Variants in BMF observed in about 807,000 individuals in gnomAD.
The protein encoded by BMF is Bcl2 modifying factor.
BMF carries 10 observed loss-of-function variants against 22.0 expected under a neutral mutation model. The ratio of observed to expected loss-of-function variants is 0.45; its 90% CI spans 0.28 to 0.77. The LOEUF (loss-of-function observed/expected upper bound fraction) is 0.77, where lower values mean the gene tolerates loss of function less well. BMF is among the 30% of genes least tolerant of loss of function. The pLI is 0.13. For synonymous variants in BMF, 87 were observed against 88.1 expected, an observed-to-expected ratio of 0.99 and a Z score of 0.07; for missense variants, 206 against 226.8, an observed-to-expected ratio of 0.91 and a Z score of 0.59.
rs1224543016 is a variant in BMF at position 40,089,218 on chromosome 15, G to C, written c.*2569C>G. The stretch of plus-strand genomic sequence containing the variant: ...AGTCTGAGGGGGTGGAGGTCGGGGG[G>C]GAGGGGCAGGTCTCCTGAGGCTAGA... On this transcript the variant is annotated 3_prime_UTR_variant, in exon 5 of 5. Coordinates refer to ENST00000354670, the MANE Select transcript of BMF (RefSeq NM_001003940.2). The C allele has an allele frequency of 6.6e-6, 1 of 152,232 alleles. No homozygotes were observed. Among genetic ancestry groups the C allele is most frequent in the Non-Finnish European group, 1.5e-5 (1 of 68,134 alleles). 9.4% of individuals were successfully genotyped at this position (152,232 alleles called of 1,614,324 possible). A position where few individuals can be genotyped will look rare whatever the true frequency, so the allele number is the denominator to read the frequency against.
At chr15:40,094,769 A>C (rs1449059058) in intron 4 of BMF, among the ~76,000 whole-genome samples, 1 of 152,244 alleles carries the variant, frequency 6.6e-6, no homozygotes, top group Non-Finnish European at 1.5e-5. Context: ...TGTATATTTT[A>C]ATCATAAAAG....
chr15:40,092,887 C>G (rs588739), intron 4 of BMF, among the ~76,000 whole-genome samples: 82,581 of 151,946 alleles, frequency 0.54, 23,300 homozygotes, highest in East Asian at 0.8. Flanking sequence ...AGGGTTCTCA[C>G]TGGACAGGGG....
intron 3 of BMF, 57 bp downstream of exon 3, chr15:40,105,738 A>G: frequency 6.6e-7 from 1 of 1,517,712 alleles, no homozygotes; most frequent in Non-Finnish European, 8.9e-7. Flanking sequence ...GGGGAGGGAA[A>G]GTCCCCTCTT....
At position 40,106,848 on chromosome 15, in the gene BMF, G is replaced by A. The variant is rs1256927032; in HGVS notation, c.-5-757C>T. On this transcript the variant is annotated intron_variant, in intron 2 of 4. Coordinates refer to ENST00000354670, the MANE Select transcript of BMF (RefSeq NM_001003940.2). The surrounding 1 kb of genome is among the most constrained non-coding windows in gnomAD (Gnocchi z 4.1). ...TGAGCTGTCTGCCCACCAAAGTTTG[G>A]CCTAGAGGGTAGGTCCAGCCTCTCC... 6.6e-6 allele frequency among the ~76,000 whole-genome samples: 1 copy of A among 152,120 alleles called. No individual in the cohort carries two copies. The highest frequency in any genetic ancestry group is 2.4e-5 in the African/African-American group (1 of 41,422).
intron 4 of BMF, 121 bp downstream of exon 4, chr15:40,104,059 A>C (rs990307327): frequency 7.3e-7 from 1 of 1,363,410 alleles, no homozygotes; most frequent in Non-Finnish European, 1.0e-6. Context: ...CATAACCAAA[A>C]CTCTGGGACA....
chr15:40,092,843 C>T (rs1015776286), intron 4 of BMF, among the ~76,000 whole-genome samples: 100 of 151,974 alleles, frequency 6.6e-4, no homozygotes, highest in African/African-American at 2.4e-3. Context: ...TCTTTGTCTG[C>T]CAGGGCAGGA....
At chr15:40,099,755 C>T (rs1476444196) in intron 4 of BMF, among the ~76,000 whole-genome samples, 1 of 103,032 alleles carries the variant, frequency 9.7e-6, no homozygotes, top group Admixed American at 1.5e-4. Context: ...TCCAGCTTGG[C>T]AAGAAGAACG....
chr15:40,099,469 G>T (rs1010675181), intron 4 of BMF, among the ~76,000 whole-genome samples: 13 of 152,094 alleles, frequency 8.5e-5, no homozygotes, highest in Non-Finnish European at 1.8e-4. Context: ...CATCAACTAG[G>T]CAAGGTAAGT....
chr15:40,094,284 G>C (rs958635120), intron 4 of BMF, among the ~76,000 whole-genome samples: 3 of 152,210 alleles, frequency 2.0e-5, no homozygotes, highest in African/African-American at 7.2e-5. Flanking sequence ...AGCGTTGGGG[G>C]ACTCAGAAGC....
intron 3 of BMF, among the ~76,000 whole-genome samples, chr15:40,105,312 G>C (rs1435848999): frequency 1.3e-5 from 2 of 152,194 alleles, no homozygotes; most frequent in African/African-American, 2.4e-5. Flanking sequence ...CTGGCATTGG[G>C]CCCAGGCAGG....
At position 40,106,000 on chromosome 15, in the gene BMF, C is replaced by T; in HGVS notation, c.87G>A (p.Leu29=). The stretch of plus-strand genomic sequence containing the variant: ...TCTGGGCAAACAGGTCAGCAGAGAG[C>T]AAGCTCCCGGGTTGGGTCACCGGCT... ...DGEPVTQPGS[L]LSADLFAQSL... Residue 29 remains leucine, a synonymous_variant, in exon 3 of 5, where the codon TTG becomes TTA. Transcript: ENST00000354670. The T allele has an allele frequency of 6.2e-7, 1 of 1,613,994 alleles. No homozygotes were observed.
In BMF at chr15:40,105,682, G is replaced by A. The variant is rs1049703288; in HGVS notation, c.292+113C>T. 4.7e-6 allele frequency: 6 copies of A among 1,289,378 alleles called. No individual in the cohort carries two copies. In the African/African-American group the frequency reaches 8.9e-5, roughly 19 times the overall value. 79.9% of individuals were successfully genotyped at this position (1,289,378 alleles called of 1,614,324 possible). A position where few individuals can be genotyped will look rare whatever the true frequency, so the allele number is the denominator to read the frequency against. On this transcript the variant is annotated intron_variant, in intron 3 of 4. Coordinates refer to ENST00000354670, the MANE Select transcript of BMF (RefSeq NM_001003940.2). ...GCAGGTGGAAGTCAAGGAATCAACA[G>A]CCCCGCTGATCACTTTGGGGGAAGG...
rs2036600133 is a variant in BMF, at chr15:40,106,927, T to TC, written c.-5-837dup. Among the ~76,000 whole-genome samples, 1 of 152,118 alleles carries TC rather than the reference T, an allele frequency of 6.6e-6. No individual in the cohort carries two copies. The highest frequency in any genetic ancestry group is 2.4e-5 in the African/African-American group (1 of 41,410). The stretch of plus-strand genomic sequence containing the variant: ...ACTTCAAATCCCTGATTCCACAGCC[T>TC]CCCGCTCCTGCCAGCTCTGAACCTG... On this transcript the variant is annotated intron_variant, in intron 2 of 4. Coordinates refer to ENST00000354670, the MANE Select transcript of BMF (RefSeq NM_001003940.2). The surrounding 1 kb of genome is among the most constrained non-coding windows in gnomAD (Gnocchi z 4.1).
intron 4 of BMF, among the ~76,000 whole-genome samples, chr15:40,095,157 CA>C (rs751000799): frequency 2.3e-4 from 35 of 152,194 alleles, no homozygotes; most frequent in Admixed American, 3.9e-4. Flanking sequence ...AAGCAGATAC[CA>C]CACAGGCTCC....
chr15:40,096,153 CTTTTTTTTTTT>C (rs532459310), intron 4 of BMF, among the ~76,000 whole-genome samples: 2 of 115,144 alleles, frequency 1.7e-5, no homozygotes, highest in African/African-American at 3.5e-5. Flanking sequence ...AAAAGGCCTC[CTTTTTTTTTTT>C]TTTTTTTTTT....
chr15:40,103,546 T>A (rs1258964148), intron 4 of BMF, among the ~76,000 whole-genome samples: 1 of 152,216 alleles, frequency 6.6e-6, no homozygotes, highest in Non-Finnish European at 1.5e-5. Context: ...TGCCCCGCCC[T>A]GGCGGGGCTG....
At position 40,106,442 on chromosome 15, in the gene BMF, G is replaced by T; in HGVS notation, c.-5-351C>A. Reference sequence around the variant, plus strand: ...CAGCTATATGCATGCAGGGTACCTGGGAAAATATAAACAAGACTAGCCTCT... The same window carrying T: ...CAGCTATATGCATGCAGGGTACCTGTGAAAATATAAACAAGACTAGCCTCT... On this transcript the variant is annotated intron_variant, in intron 2 of 4. Transcript: ENST00000354670. The surrounding 1 kb of genome is among the most constrained non-coding windows in gnomAD (Gnocchi z 4.1). 5.0e-6 allele frequency: 1 copy of T among 199,122 alleles called. No individual in the cohort carries two copies. The highest frequency in any genetic ancestry group is 1.0e-5 in the Non-Finnish European group (1 of 96,798). The allele number at this position is 199,122 out of a possible 1,614,324, so 12.3% of individuals were successfully genotyped here.
chr15:40,106,203 G>T lies in BMF; in HGVS notation c.-5-112C>A. On this transcript the variant is annotated intron_variant, in intron 2 of 4. Coordinates refer to ENST00000354670, the MANE Select transcript of BMF (RefSeq NM_001003940.2). This position sits in a 1 kb window ranked among gnomAD's most constrained non-coding sequence, Gnocchi z 4.1. ...TCCCCCTTCTTATTTGAGCTGGCCG[G>T]ACCACATACTGATGACATACAACCC... 1 of 1,215,506 alleles carries T rather than the reference G, an allele frequency of 8.2e-7. No homozygotes were observed. Among genetic ancestry groups the T allele is most frequent in the South Asian group, 1.6e-5 (1 of 63,780 alleles). 75.3% of individuals were successfully genotyped at this position (1,215,506 alleles called of 1,614,324 possible). A position where few individuals can be genotyped will look rare whatever the true frequency, so the allele number is the denominator to read the frequency against.
chr15:40,103,594 G>A (rs1046098275), intron 4 of BMF, among the ~76,000 whole-genome samples: 2 of 152,222 alleles, frequency 1.3e-5, no homozygotes, highest in Admixed American at 6.5e-5. Context: ...CTGAGCGCCC[G>A]GCTGGCCGCC....
Sources: gnomAD v4.1 joint callset for allele counts (sites outside exome capture counted in the v4.1 genomes callset) on GRCh38, gnomAD v4.1.1 for gene constraint, Gnocchi (gnomAD v3.1) non-coding constraint, MANE v1.5 for transcripts, NCBI Gene and HGNC (gene_info 2026-07-23, HGNC 2026-07-21) for gene names.